GBE1: variants seen among roughly 807,000 people sequenced by gnomAD.
GBE1 encodes the protein 1,4-alpha-glucan branching enzyme 1.
A neutral mutation model predicts 88.8 loss-of-function variants in GBE1; 70 were observed. That is an observed-to-expected ratio of 0.79 (90% CI 0.65 to 0.96). The LOEUF (loss-of-function observed/expected upper bound fraction) is 0.96, where lower values mean the gene tolerates loss of function less well. GBE1 is among the 40% of genes least tolerant of loss of function. GBE1 has a pLI of 0.00. For synonymous variants in GBE1, 284 were observed against 300.1 expected, an observed-to-expected ratio of 0.95 and a Z score of 0.56; for missense variants, 872 against 871.0, an observed-to-expected ratio of 1.00 and a Z score of -0.01.
At chr3:81,511,204 G>C (rs1159559971) in intron 14 of GBE1, among the ~76,000 whole-genome samples, 1 of 151,880 alleles carries the variant, frequency 6.6e-6, no homozygotes, top group Non-Finnish European at 1.5e-5. Flanking sequence ...TTAAATGTAA[G>C]AACTCAAACT....
intron 1 of GBE1, among the ~76,000 whole-genome samples, chr3:81,730,120 C>G (rs1706165691): frequency 1.3e-5 from 2 of 151,992 alleles, no homozygotes; most frequent in Admixed American, 1.3e-4. Context: ...GGGCCTGTGA[C>G]CAGAGGGCAT....
chr3:81,753,053 A>G lies in GBE1; in HGVS notation c.143+8322T>C, dbSNP rs2107238771. Reference sequence around the variant, plus strand: ...CTTTTATGGATGAAGAAATAAGTTCACAGAGGTTGATTAATTTTCCCTAGG... The same window carrying G: ...CTTTTATGGATGAAGAAATAAGTTCGCAGAGGTTGATTAATTTTCCCTAGG... On this transcript the variant is annotated intron_variant, in intron 1 of 15. Transcript: ENST00000429644. 2.6e-5 allele frequency among the ~76,000 whole-genome samples: 4 copies of G among 152,350 alleles called. No homozygotes were observed. In the South Asian group the frequency reaches 8.3e-4, roughly 32 times the overall value.
At chr3:81,521,166 G>GGTTCAAAAAAATTGAACCT (rs1263618098) in intron 14 of GBE1, among the ~76,000 whole-genome samples, 1 of 151,410 alleles carries the variant, frequency 6.6e-6, no homozygotes, top group East Asian at 1.9e-4. Flanking sequence ...AAGATCTACA[G>GGTTCAAAAAAATTGAACCT]GTTCAAAAAA....
intron 12 of GBE1, among the ~76,000 whole-genome samples, chr3:81,564,037 C>T (rs1408397970): frequency 6.6e-6 from 1 of 152,038 alleles, no homozygotes; most frequent in Non-Finnish European, 1.5e-5. Flanking sequence ...GAAATTTAAT[C>T]ACCAATGGAA....
At chr3:81,707,301 A>G (rs1401922574) in intron 1 of GBE1, among the ~76,000 whole-genome samples, 1 of 152,050 alleles carries the variant, frequency 6.6e-6, no homozygotes, top group Non-Finnish European at 1.5e-5. Context: ...AGGAAAAGTA[A>G]TCTAGGAATA....
chr3:81,678,501 A>G (rs938849206), intron 2 of GBE1, among the ~76,000 whole-genome samples: 11 of 152,184 alleles, frequency 7.2e-5, no homozygotes, highest in Non-Finnish European at 1.5e-5. Flanking sequence ...AACAAAGGGG[A>G]TGATAAATGG....
chr3:81,530,467 C>T (rs1352101714), intron 14 of GBE1, among the ~76,000 whole-genome samples: 1 of 151,778 alleles, frequency 6.6e-6, no homozygotes, highest in Non-Finnish European at 1.5e-5. Flanking sequence ...TATACTGATC[C>T]TTGGGAAGGT....
chr3:81,632,381 T>A (rs1025766521), intron 7 of GBE1, among the ~76,000 whole-genome samples: 3 of 151,820 alleles, frequency 2.0e-5, no homozygotes, highest in African/African-American at 7.3e-5. Context: ...AACAACCCCA[T>A]CAAAAAGTGG....
chr3:81,634,917 G>C (rs1330450061), intron 7 of GBE1, among the ~76,000 whole-genome samples: 1 of 152,054 alleles, frequency 6.6e-6, no homozygotes, highest in Non-Finnish European at 1.5e-5. Context: ...CTTCAAAACT[G>C]CATGAATGAA....
intron 1 of GBE1, among the ~76,000 whole-genome samples, chr3:81,757,614 G>A (rs776420377): frequency 2.6e-5 from 4 of 152,110 alleles, no homozygotes; most frequent in Non-Finnish European, 4.4e-5. Flanking sequence ...AGGAGGAGAC[G>A]GGAGTAATTA....
chr3:81,632,028 G>C (rs1435454879), intron 7 of GBE1, among the ~76,000 whole-genome samples: 2 of 151,924 alleles, frequency 1.3e-5, no homozygotes, highest in Admixed American at 6.6e-5. Flanking sequence ...CTCATTGTTT[G>C]ACTCCGATTT....
intron 1 of GBE1, among the ~76,000 whole-genome samples, chr3:81,755,789 A>C (rs1300101407): frequency 2.0e-5 from 3 of 152,134 alleles, no homozygotes; most frequent in East Asian, 1.9e-4. Context: ...GGAAGACAGA[A>C]AGTAGATTGG....
chr3:81,599,178 T>G (rs1703998442), intron 7 of GBE1, among the ~76,000 whole-genome samples: 1 of 152,170 alleles, frequency 6.6e-6, no homozygotes, highest in Non-Finnish European at 1.5e-5. Flanking sequence ...AATAAAATAC[T>G]TGAGAAATTT....
chr3:81,500,886 G>C (rs532825300), intron 14 of GBE1, among the ~76,000 whole-genome samples: 7 of 152,252 alleles, frequency 4.6e-5, no homozygotes, highest in African/African-American at 1.7e-4. Flanking sequence ...GCTCACACTT[G>C]TAAGTGAGAA....
chr3:81,600,652 T>C (rs1704019760), intron 7 of GBE1, among the ~76,000 whole-genome samples: 1 of 152,236 alleles, frequency 6.6e-6, no homozygotes, highest in Non-Finnish European at 1.5e-5. Context: ...AACAGGATTT[T>C]CCTTCACTAT....
chr3:81,573,457 T>G (rs1385019238), intron 12 of GBE1, among the ~76,000 whole-genome samples: 1 of 152,218 alleles, frequency 6.6e-6, no homozygotes, highest in African/African-American at 2.4e-5. Context: ...CAGCATTTTC[T>G]GCTTATCTGT....
At chr3:81,529,787 G>T (rs1219692848) in intron 14 of GBE1, among the ~76,000 whole-genome samples, 1 of 151,888 alleles carries the variant, frequency 6.6e-6, no homozygotes, top group Non-Finnish European at 1.5e-5. Flanking sequence ...ATGTCTTGAG[G>T]TAGTATTATT....
At chr3:81,691,568 GGA>G in intron 2 of GBE1, among the ~76,000 whole-genome samples, 1 of 152,100 alleles carries the variant, frequency 6.6e-6, no homozygotes, top group Non-Finnish European at 1.5e-5. Flanking sequence ...CTTGAGCCCA[GGA>G]GTTCGACACC....
chr3:81,562,998 G>A (rs1169396458), intron 12 of GBE1, among the ~76,000 whole-genome samples: 1 of 151,910 alleles, frequency 6.6e-6, no homozygotes, highest in Non-Finnish European at 1.5e-5. Context: ...TTGTTCAGGA[G>A]AAAGGTTGCC....
Sources: gnomAD v4.1 joint callset for allele counts (sites outside exome capture counted in the v4.1 genomes callset) on GRCh38, gnomAD v4.1.1 for gene constraint, MANE v1.5 for transcripts, NCBI Gene and HGNC (gene_info 2026-07-23, HGNC 2026-07-21) for gene names.